MPP7: variants seen among roughly 807,000 people sequenced by gnomAD.
MPP7 encodes the protein MAGUK p55 scaffold protein 7.
A neutral mutation model predicts 76.5 loss-of-function variants in MPP7; 60 were observed. The ratio of observed to expected loss-of-function variants is 0.78; its 90% CI spans 0.64 to 0.97. The LOEUF is 0.97. MPP7 is among the 50% of genes least tolerant of loss of function. The pLI, the probability that MPP7 is intolerant of heterozygous loss-of-function variation, is 0.00. For synonymous variants in MPP7, 237 were observed against 244.5 expected (o/e 0.97, Z 0.29); for missense variants, 641 against 694.0 (o/e 0.92, Z 0.86).
At chr10:28,301,194 G>A (rs1003258340) in intron 1 of MPP7, among the ~76,000 whole-genome samples, 11 of 152,062 alleles carry the variant, frequency 7.2e-5, no homozygotes, top group African/African-American at 9.6e-5. Flanking sequence ...AACACTTCCC[G>A]AAACAAAGTC....
intron 3 of MPP7, among the ~76,000 whole-genome samples, chr10:28,160,619 A>G (rs1836228049): frequency 6.6e-6 from 1 of 152,252 alleles, no homozygotes; most frequent in South Asian, 2.1e-4. Flanking sequence ...GAGAACCACG[A>G]CTACCTACTA....
At chr10:28,315,837 T>C (rs943711972) in intron 2 of MPP7, among the ~76,000 whole-genome samples, 1 of 152,140 alleles carries the variant, frequency 6.6e-6, no homozygotes, top group African/African-American at 2.4e-5. Flanking sequence ...TGACCAGCAC[T>C]ATCTCAACCA....
chr10:28,238,522 T>C, intron 2 of MPP7, 46 bp downstream of exon 2: 1 of 1,603,424 alleles, frequency 6.2e-7, no homozygotes, highest in Non-Finnish European at 8.5e-7. Context: ...GTGAACAAGA[T>C]TTAAGCAAAG....
chr10:28,294,787 T>G (rs956645666), intron 1 of MPP7, among the ~76,000 whole-genome samples: 8 of 152,296 alleles, frequency 5.3e-5, no homozygotes, highest in African/African-American at 1.9e-4. Context: ...CAAGGCCCTG[T>G]TCCCTGAGCT....
intron 12 of MPP7, among the ~76,000 whole-genome samples, chr10:28,076,960 G>A (rs1852517565): frequency 6.6e-6 from 1 of 151,904 alleles, no homozygotes; most frequent in Admixed American, 6.6e-5. Context: ...CTACAGGAAG[G>A]GATGTAAATT....
chr10:28,248,307 T>C (rs1839503215), intron 1 of MPP7, among the ~76,000 whole-genome samples: 1 of 152,152 alleles, frequency 6.6e-6, no homozygotes, highest in Non-Finnish European at 1.5e-5. Context: ...AAACAGGGCC[T>C]GCTAAGACCA....
intron 2 of MPP7, among the ~76,000 whole-genome samples, chr10:28,323,315 T>A (rs1403153628): frequency 6.6e-6 from 1 of 151,906 alleles, no homozygotes; most frequent in Non-Finnish European, 1.5e-5. Context: ...CAGCTGGGCA[T>A]GGTGGTGTAC....
intron 13 of MPP7, among the ~76,000 whole-genome samples, chr10:28,063,902 C>T (rs1293645803): frequency 6.6e-6 from 1 of 152,148 alleles, no homozygotes; most frequent in Non-Finnish European, 1.5e-5. Flanking sequence ...CCACTACGTA[C>T]TTACTACATT....
intron 11 of MPP7, among the ~76,000 whole-genome samples, chr10:28,104,078 G>A (rs1364749226): frequency 6.6e-6 from 1 of 151,888 alleles, no homozygotes; most frequent in Admixed American, 6.6e-5. Context: ...TTGGTATGAG[G>A]AATACAAAAA....
intron 1 of MPP7, among the ~76,000 whole-genome samples, chr10:28,251,570 T>C (rs1425180916): frequency 6.6e-6 from 1 of 152,212 alleles, no homozygotes; most frequent in African/African-American, 2.4e-5. Context: ...CATACAAGTA[T>C]GCAACAATGA....
intron 8 of MPP7, among the ~76,000 whole-genome samples, chr10:28,122,919 A>G (rs559395460): frequency 6.6e-6 from 1 of 152,132 alleles, no homozygotes; most frequent in South Asian, 2.1e-4. Flanking sequence ...GTCTTTTTCT[A>G]CCTTATAATT....
intron 12 of MPP7, among the ~76,000 whole-genome samples, chr10:28,073,780 A>T (rs990465505): frequency 3.0e-4 from 45 of 151,902 alleles, no homozygotes; most frequent in African/African-American, 9.9e-4. Flanking sequence ...AGAAAAAAAA[A>T]ATATTTTTTT....
At chr10:28,264,810 C>G (rs977053486) in intron 1 of MPP7, among the ~76,000 whole-genome samples, 1 of 151,926 alleles carries the variant, frequency 6.6e-6, no homozygotes, top group African/African-American at 2.4e-5. Context: ...TTTATGGTGG[C>G]GGTGGGTAAA....
Position 28,220,189 on chromosome 10 carries a change from A to G in MPP7, c.38-17918T>C, listed in dbSNP as rs185899619. Among the ~76,000 whole-genome samples the G allele has an allele frequency of 3.3e-5, 5 of 152,288 alleles. No individual in the cohort carries two copies. In the East Asian group the frequency reaches 9.6e-4, roughly 29 times the overall value. ...ACTTTCATTTGTACATGCCATCTCT[A>G]AGCTTTAAATAGGTTCCAATTTGTA... On this transcript the variant is annotated intron_variant, in intron 2 of 16. Transcript: ENST00000683449.
chr10:28,190,016 T>C (rs560642381), intron 3 of MPP7, among the ~76,000 whole-genome samples: 1 of 151,992 alleles, frequency 6.6e-6, no homozygotes, highest in African/African-American at 2.4e-5. Context: ...CCAAAAAAGA[T>C]GGAGTACATA....
chr10:28,317,235 G>A (rs1341146504), intron 2 of MPP7, among the ~76,000 whole-genome samples: 1 of 152,134 alleles, frequency 6.6e-6, no homozygotes, highest in African/African-American at 2.4e-5. Context: ...ATATATAAAA[G>A]TTGTTTATTT....
rs544148958 is a variant in MPP7, at chr10:28,060,658, G to A, written c.1205-915C>T. Among the ~76,000 whole-genome samples the A allele has an allele frequency of 3.7e-4, 56 of 152,322 alleles. No homozygotes were observed. In the South Asian group the frequency reaches 7.9e-3, roughly 21 times the overall value. ...TGCCAAGAGAAGCCCTAACGTTCTG[G>A]TGCAAAGAACTTGGGACGGGGGGTA... On this transcript the variant is annotated intron_variant, in intron 13 of 16. Coordinates refer to ENST00000683449, the MANE Select transcript of MPP7 (RefSeq NM_001318170.2).
intron 1 of MPP7, among the ~76,000 whole-genome samples, chr10:28,297,962 C>T (rs1437169612): frequency 3.3e-5 from 5 of 152,202 alleles, no homozygotes; most frequent in Non-Finnish European, 7.3e-5. Context: ...AGAAGCAACT[C>T]TTCATCCATT....
intron 2 of MPP7, among the ~76,000 whole-genome samples, chr10:28,227,268 A>C (rs1277892737): frequency 6.6e-6 from 1 of 152,236 alleles, no homozygotes; most frequent in Non-Finnish European, 1.5e-5. Flanking sequence ...CACAGAGAAC[A>C]GCTTGAGGTC....
Sources: gnomAD v4.1 joint callset for allele counts (sites outside exome capture counted in the v4.1 genomes callset) on GRCh38, gnomAD v4.1.1 for gene constraint, MANE v1.5 for transcripts, NCBI Gene and HGNC (gene_info 2026-07-23, HGNC 2026-07-21) for gene names.